Variants in KCNQ5 observed in about 807,000 individuals in gnomAD.
KCNQ5 encodes potassium voltage-gated channel subfamily Q member 5, also known as potassium voltage-gated channel subfamily KQT member 5.
KCNQ5 carries 30 observed loss-of-function variants against 98.2 expected under a neutral mutation model. The ratio of observed to expected loss-of-function variants is 0.31; its 90% CI spans 0.23 to 0.41. The LOEUF (loss-of-function observed/expected upper bound fraction) is 0.41, where lower values mean the gene tolerates loss of function less well. Ranked by LOEUF, KCNQ5 falls within the 10% of genes least tolerant of loss-of-function variation. The probability of loss-of-function intolerance (pLI) is 1.00; values close to 1 mark genes in which losing one functional copy is unlikely to be tolerated. For missense variants in KCNQ5, 835 were observed against 1,182.5 expected, an observed-to-expected ratio of 0.71 and a Z score of 4.31; for synonymous variants, 458 against 449.4, an observed-to-expected ratio of 1.02 and a Z score of -0.24.
chr6:72,953,101 A>G (rs1766884567), intron 1 of KCNQ5, among the ~76,000 whole-genome samples: 1 of 152,154 alleles, frequency 6.6e-6, no homozygotes. Context: ...CATTTTGAGC[A>G]CACTGTGTGG....
At chr6:73,048,189 G>C (rs1772055518) in intron 3 of KCNQ5, among the ~76,000 whole-genome samples, 1 of 152,212 alleles carries the variant, frequency 6.6e-6, no homozygotes, top group Non-Finnish European at 1.5e-5. Context: ...AAAGAGTAGA[G>C]GCTACCTTAG....
rs771827882 is a variant in KCNQ5 at position 73,133,450 on chromosome 6, G to A, written c.1277G>A (p.Arg426His). Reference protein sequence around the residue: ...SQKLSFKERVRMASPRGQSIK... With the variant: ...SQKLSFKERVHMASPRGQSIK... ...AAGCTAAGTTTTAAGGAGCGAGTGC[G>A]CATGGCTAGCCCCAGGGGCCAGAGT... is the stretch of plus-strand genomic sequence containing the variant. The change falls in exon 10 of 14, where the codon CGC becomes CAC. Residue 426 changes from arginine to histidine, a missense_variant. By Grantham distance (29) the Arg-to-His change is conservative. Transcript: ENST00000370398. 2 of 1,613,998 alleles carry A rather than the reference G, an allele frequency of 1.2e-6. No homozygotes were observed. Among genetic ancestry groups the A allele is most frequent in the Non-Finnish European group, 8.5e-7 (1 of 1,180,028 alleles).
At position 72,945,536 on chromosome 6, in the gene KCNQ5, C is replaced by T. The variant is rs2150246556; in HGVS notation, c.399-58372C>T. Among the ~76,000 whole-genome samples, 9 of 151,298 alleles carry T rather than the reference C, an allele frequency of 5.9e-5. No individual in the cohort carries two copies. In the South Asian group the frequency reaches 1.9e-3, roughly 32 times the overall value. On this transcript the variant is annotated intron_variant, in intron 1 of 13. Transcript: ENST00000370398. Reference sequence around the variant, plus strand: ...GTGGTGCAATCTTGGCTCACTGCAACCTCTGTCTCCTGGGTTCAAGTGGTT... The same window carrying T: ...GTGGTGCAATCTTGGCTCACTGCAATCTCTGTCTCCTGGGTTCAAGTGGTT...
intron 1 of KCNQ5, among the ~76,000 whole-genome samples, chr6:72,663,758 G>C (rs996032176): frequency 1.6e-4 from 24 of 152,016 alleles, no homozygotes; most frequent in African/African-American, 5.5e-4. Flanking sequence ...TCTTTCAAAG[G>C]CACTTCTTTT....
chr6:73,085,515 G>T (rs190437612), intron 5 of KCNQ5, among the ~76,000 whole-genome samples: 8 of 152,288 alleles, frequency 5.3e-5, no homozygotes, highest in African/African-American at 1.7e-4. Flanking sequence ...GAGGCTGGGG[G>T]TTCAGTTGCT....
At chr6:73,111,179 G>A in intron 6 of KCNQ5, 129 bp from the exon 7 acceptor site, 1 of 662,756 alleles carries the variant, frequency 1.5e-6, no homozygotes, top group Non-Finnish European at 2.6e-6. Context: ...ATTTTAATAA[G>A]TAACATGTTT....
chr6:72,794,750 TAAAAC>T (rs1774242327), intron 1 of KCNQ5, among the ~76,000 whole-genome samples: 1 of 152,118 alleles, frequency 6.6e-6, no homozygotes, highest in Admixed American at 6.5e-5. Flanking sequence ...TAAGAAGAAA[TAAAAC>T]AAAGCAAGAG....
At chr6:72,885,041 T>A (rs1425901235) in intron 1 of KCNQ5, among the ~76,000 whole-genome samples, 1 of 152,046 alleles carries the variant, frequency 6.6e-6, no homozygotes, top group African/African-American at 2.4e-5. Flanking sequence ...AAATGAAATA[T>A]TAATAATGGC....
At chr6:72,822,700 T>C (rs1775812987) in intron 1 of KCNQ5, among the ~76,000 whole-genome samples, 1 of 152,180 alleles carries the variant, frequency 6.6e-6, no homozygotes, top group Non-Finnish European at 1.5e-5. Context: ...TCTTTTAGTT[T>C]TCCTACTACT....
intron 1 of KCNQ5, among the ~76,000 whole-genome samples, chr6:72,752,574 A>T (rs1032975549): frequency 6.6e-6 from 1 of 152,076 alleles, no homozygotes; most frequent in Non-Finnish European, 1.5e-5. Flanking sequence ...ATCATCTTCA[A>T]TTATTTCTGT....
chr6:73,175,584 G>A (rs1305354168), intron 11 of KCNQ5, among the ~76,000 whole-genome samples: 1 of 152,206 alleles, frequency 6.6e-6, no homozygotes, highest in Non-Finnish European at 1.5e-5. Flanking sequence ...GATAATGAAA[G>A]GGAGAAGTTA....
Position 72,794,125 on chromosome 6 carries a change from T to G in KCNQ5, c.398+171538T>G, listed in dbSNP as rs186738063. On this transcript the variant is annotated intron_variant, in intron 1 of 13. Transcript: ENST00000370398. ...TAGTAGCTGCGCACACAAATTCACATGCATATGAATGTCAGTGCACGTTGG... is the reference window on the plus strand; with the variant it reads ...TAGTAGCTGCGCACACAAATTCACAGGCATATGAATGTCAGTGCACGTTGG... Among the ~76,000 whole-genome samples the G allele has an allele frequency of 9.7e-4, 148 of 152,338 alleles. 1 individual carries two copies. The highest frequency in any genetic ancestry group is 1.7e-3 in the Non-Finnish European group (114 of 68,038).
At chr6:72,958,666 A>C (rs1464144022) in intron 1 of KCNQ5, among the ~76,000 whole-genome samples, 1 of 152,244 alleles carries the variant, frequency 6.6e-6, no homozygotes, top group African/African-American at 2.4e-5. Flanking sequence ...GTACATAATA[A>C]ATATGTGTTC....
At chr6:72,838,732 C>T (rs1168497401) in intron 1 of KCNQ5, among the ~76,000 whole-genome samples, 2 of 151,528 alleles carry the variant, frequency 1.3e-5, no homozygotes, top group Non-Finnish European at 2.9e-5. Context: ...GGGCGGATCA[C>T]GAGGTCAGGA....
intron 1 of KCNQ5, among the ~76,000 whole-genome samples, chr6:72,837,358 T>C (rs1776548333): frequency 6.6e-6 from 1 of 152,182 alleles, no homozygotes; most frequent in Admixed American, 6.5e-5. Context: ...GAAGAAACTA[T>C]TATTTGGAAA....
intron 1 of KCNQ5, among the ~76,000 whole-genome samples, chr6:72,755,717 C>T (rs111348381): frequency 7.9e-5 from 12 of 152,210 alleles, no homozygotes; most frequent in South Asian, 2.1e-4. Context: ...TTGATTTAGA[C>T]GGTCAATTAT....
intron 1 of KCNQ5, among the ~76,000 whole-genome samples, chr6:72,656,938 A>G (rs1766227537): frequency 6.6e-6 from 1 of 152,198 alleles, no homozygotes; most frequent in Non-Finnish European, 1.5e-5. Context: ...GGTACATTTT[A>G]AAGCCTAATA....
intron 1 of KCNQ5, among the ~76,000 whole-genome samples, chr6:72,922,402 T>A (rs1162762581): frequency 6.6e-6 from 1 of 152,176 alleles, no homozygotes; most frequent in Non-Finnish European, 1.5e-5. Flanking sequence ...CTTTACCTCA[T>A]ATTGTTTTTT....
chr6:73,083,390 T>G (rs777522768), intron 5 of KCNQ5, among the ~76,000 whole-genome samples: 1 of 151,890 alleles, frequency 6.6e-6, no homozygotes, highest in Admixed American at 6.6e-5. Context: ...AAATCAGGGG[T>G]GAACACACAA....
Sources: allele counts gnomAD v4.1 joint callset (sites outside exome capture counted in the v4.1 genomes callset), GRCh38; gene constraint gnomAD v4.1.1; transcripts MANE v1.5; gene names NCBI Gene and HGNC (gene_info 2026-07-23, HGNC 2026-07-21).